Variants in SDC3 observed in about 807,000 individuals in gnomAD.
SDC3 encodes syndecan-3.
In SDC3, 13 loss-of-function variants were observed where a neutral mutation model predicts 24.4. The ratio of observed to expected loss-of-function variants is 0.53; its 90% CI spans 0.35 to 0.85. The LOEUF (loss-of-function observed/expected upper bound fraction) is 0.85, where lower values mean the gene tolerates loss of function less well. Among genes scored for constraint, SDC3 ranks in the 40% least tolerant of loss-of-function variants. SDC3 has a pLI of 0.01. For missense variants in SDC3, 571 were observed against 584.5 expected (o/e 0.98, Z 0.24); for synonymous variants, 295 against 260.9 (o/e 1.13, Z -1.26).
At chr1:30,889,648 C>T (rs1426121861) in intron 1 of SDC3, among the ~76,000 whole-genome samples, 3 of 152,168 alleles carry the variant, frequency 2.0e-5, no homozygotes, top group Admixed American at 2.0e-4. Flanking sequence ...TCTATAAATA[C>T]TTGAGGGATG....
rs967584851 is a variant in SDC3, at chr1:30,897,144, C to T, written c.138+11305G>A. On this transcript the variant is annotated intron_variant, in intron 1 of 4. Transcript: ENST00000339394. ...AGCTGAGCCTGCATTCTGGACAGAG[C>T]AGAGACAAGTACAGAAAAGGAACAT... 6.6e-5 allele frequency among the ~76,000 whole-genome samples: 10 copies of T among 152,230 alleles called. 1 individual carries two copies. The highest frequency in any genetic ancestry group is 6.5e-4 in the Admixed American group (10 of 15,292).
At chr1:30,890,201 T>C (rs970354813) in intron 1 of SDC3, among the ~76,000 whole-genome samples, 1 of 152,004 alleles carries the variant, frequency 6.6e-6, no homozygotes, top group Non-Finnish European at 1.5e-5. Context: ...TCCCAGCTAT[T>C]TGGGAGGCTG....
chr1:30,900,400 C>T (rs1638389099), intron 1 of SDC3, among the ~76,000 whole-genome samples: 1 of 152,222 alleles, frequency 6.6e-6, no homozygotes, highest in Admixed American at 6.5e-5. Context: ...AGGTAAGATG[C>T]AGCTGCAGAC....
intron 2 of SDC3, chr1:30,878,061 A>G (rs1639678913): frequency 6.5e-6 from 1 of 152,954 alleles, no homozygotes; most frequent in Admixed American, 6.5e-5. Context: ...AAACCCTCCT[A>G]GAGGCACTGA....
rs114199166 is a variant in SDC3, at chr1:30,878,321, C to T, written c.256+302G>A. The stretch of plus-strand genomic sequence containing the variant: ...ATTGGCCACAGCTTATTGCACCTGA[C>T]GGGACCACCGGAACCAAGCAAGGTC... On this transcript the variant is annotated intron_variant, in intron 2 of 4. Transcript: ENST00000339394. The T allele has an allele frequency of 4.0e-3, 1,167 of 293,730 alleles. 12 individuals carry two copies. The highest frequency in any genetic ancestry group is 0.023 in the African/African-American group (1,073 of 47,366). The allele number at this position is 293,730 out of a possible 1,614,324, so 18.2% of individuals were successfully genotyped here. A position where few individuals can be genotyped will look rare whatever the true frequency, so the allele number is the denominator to read the frequency against.
intron 1 of SDC3, among the ~76,000 whole-genome samples, chr1:30,894,168 T>G: frequency 6.7e-6 from 1 of 150,158 alleles, no homozygotes; most frequent in African/African-American, 2.4e-5. Context: ...TGCGTGTGTG[T>G]GAGTGGGTGT....
In SDC3 at chr1:30,883,132, G is replaced by A. The variant is rs528774313; in HGVS notation, c.139-4392C>T. Among the ~76,000 whole-genome samples the A allele has an allele frequency of 9.2e-5, 14 of 152,332 alleles. No individual in the cohort carries two copies. In the South Asian group the frequency reaches 1.9e-3, roughly 20 times the overall value. On this transcript the variant is annotated intron_variant, in intron 1 of 4. Coordinates refer to ENST00000339394, the MANE Select transcript of SDC3 (RefSeq NM_014654.4). ...CAGGCAGATGAGACGATTAATGCCC[G>A]GAGAGGTTAAGTGGCATTGCCAAGG...
rs556193835 is a variant in SDC3 at position 30,899,974 on chromosome 1, T to G, written c.138+8475A>C. 3.9e-5 allele frequency among the ~76,000 whole-genome samples: 6 copies of G among 152,370 alleles called. No individual in the cohort carries two copies. The South Asian group carries it at 1.2e-3, about 32-fold the overall frequency. On this transcript the variant is annotated intron_variant, in intron 1 of 4. Coordinates refer to ENST00000339394, the MANE Select transcript of SDC3 (RefSeq NM_014654.4). ...CCATGCAGGAGCCCACACGTCTGCCTGATGCCCTTGTGTGGGGAAAAGAAA... is the reference window on the plus strand; with the variant it reads ...CCATGCAGGAGCCCACACGTCTGCCGGATGCCCTTGTGTGGGGAAAAGAAA...
chr1:30,889,179 T>C (rs969478809), intron 1 of SDC3, among the ~76,000 whole-genome samples: 4 of 152,220 alleles, frequency 2.6e-5, no homozygotes, highest in Non-Finnish European at 5.9e-5. Context: ...TTTCTTCACC[T>C]ACTAAATGGG....
rs901325573 is a variant in SDC3, at chr1:30,877,103, C to A, written c.319G>T (p.Val107Leu). The change falls in exon 3 of 5, where the codon GTG becomes TTG. Residue 107 changes from valine to leucine, a missense_variant. Coordinates refer to ENST00000339394, the MANE Select transcript of SDC3 (RefSeq NM_014654.4). ...GGCAGCACCGCAGGTGTGGTGGACA[C>A]CGCCAGGGCTACATCTGGGCTGAAG... ...MRFSPDVALA[V>L]STTPAVLPTT... The A allele has an allele frequency of 6.2e-7, 1 of 1,613,986 alleles. No homozygotes were observed. Among genetic ancestry groups the A allele is most frequent in the Non-Finnish European group, 8.5e-7 (1 of 1,179,968 alleles).
At chr1:30,900,154 T>C (rs1449829108) in intron 1 of SDC3, among the ~76,000 whole-genome samples, 3 of 152,174 alleles carry the variant, frequency 2.0e-5, no homozygotes, top group Non-Finnish European at 2.9e-5. Context: ...TGTGGGCACA[T>C]TGCTCAACCT....
chr1:30,903,267 C>T (rs1638449948), intron 1 of SDC3, among the ~76,000 whole-genome samples: 1 of 152,170 alleles, frequency 6.6e-6, no homozygotes, highest in Non-Finnish European at 1.5e-5. Flanking sequence ...GTCACCTCTG[C>T]AGACTCAGTC....
chr1:30,897,510 G>A (rs1287721870), intron 1 of SDC3, among the ~76,000 whole-genome samples: 3 of 152,184 alleles, frequency 2.0e-5, no homozygotes, highest in African/African-American at 7.2e-5. Context: ...ATATGCTGCA[G>A]AGAACAGATC....
chr1:30,877,617 C>T lies in SDC3; in HGVS notation c.257-452G>A, dbSNP rs570510817. ...TAAGGGCTTCCCCCAGAGGCAGAGG[C>T]GGAGGGTAAAAGGGAAAAGAAGCCC... On this transcript the variant is annotated intron_variant, in intron 2 of 4. Coordinates refer to ENST00000339394, the MANE Select transcript of SDC3 (RefSeq NM_014654.4). 105 of 235,704 alleles carry T rather than the reference C, an allele frequency of 4.5e-4. 1 individual carries two copies. The highest frequency in any genetic ancestry group is 1.4e-3 in the Middle Eastern group (1 of 714). The allele number at this position is 235,704 out of a possible 1,614,324, so 14.6% of individuals were successfully genotyped here. A position where few individuals can be genotyped will look rare whatever the true frequency, so the allele number is the denominator to read the frequency against.
chr1:30,904,313 T>C (rs1214059161), intron 1 of SDC3, among the ~76,000 whole-genome samples: 1 of 152,108 alleles, frequency 6.6e-6, no homozygotes, highest in Non-Finnish European at 1.5e-5. Flanking sequence ...TGTAAAGTGC[T>C]TGGTGGGCGG....
At chr1:30,904,375 G>A (rs1027119173) in intron 1 of SDC3, among the ~76,000 whole-genome samples, 7 of 151,808 alleles carry the variant, frequency 4.6e-5, no homozygotes, top group Admixed American at 2.0e-4. Flanking sequence ...GCCCCCCCTC[G>A]CTCTCCCCAC....
At chr1:30,884,281 C>CG (rs1313567766) in intron 1 of SDC3, among the ~76,000 whole-genome samples, 1 of 151,758 alleles carries the variant, frequency 6.6e-6, no homozygotes, top group East Asian at 1.9e-4. Flanking sequence ...ACAGACCCCC[C>CG]CCAAGAAAAA....
In SDC3 at chr1:30,871,502, G is replaced by C. The variant is rs1639535421; in HGVS notation, c.*1709C>G. On this transcript the variant is annotated 3_prime_UTR_variant, in exon 5 of 5. Coordinates refer to ENST00000339394, the MANE Select transcript of SDC3 (RefSeq NM_014654.4). ...CACCTGGTCTCATCCCTCAAACCCT[G>C]ACCTCGGGGCCTGAGGGATCTGCAG... 1 of 152,282 alleles carries C rather than the reference G, an allele frequency of 6.6e-6. No homozygotes were observed. Among genetic ancestry groups the C allele is most frequent in the Admixed American group, 6.5e-5 (1 of 15,284 alleles). The allele number at this position is 152,282 out of a possible 1,614,324, so 9.4% of individuals were successfully genotyped here.
Position 30,878,755 on chromosome 1 carries a change from G to A in SDC3, c.139-15C>T, listed in dbSNP as rs765170436. 9.9e-6 allele frequency: 16 copies of A among 1,609,934 alleles called. No homozygotes were observed. The highest frequency in any genetic ancestry group is 1.4e-5 in the Non-Finnish European group (16 of 1,176,218). ...CAGCGCTGGGCCTAGGGAAGGTAGA[G>A]GTGGACACAGGGCTCGGCACCCGAG... is the stretch of plus-strand genomic sequence containing the variant. On this transcript the variant is annotated splice_polypyrimidine_tract_variant and intron_variant, in intron 1 of 4. Coordinates refer to ENST00000339394, the MANE Select transcript of SDC3 (RefSeq NM_014654.4).
Sources: gnomAD v4.1 joint callset for allele counts (sites outside exome capture counted in the v4.1 genomes callset) on GRCh38, gnomAD v4.1.1 for gene constraint, MANE v1.5 for transcripts, NCBI Gene and HGNC (gene_info 2026-07-23, HGNC 2026-07-21) for gene names.